Variants in OSTN observed in about 807,000 individuals in gnomAD.
The protein encoded by OSTN is osteocrin.
Under a neutral mutation model 12.0 loss-of-function variants are expected in OSTN, and 9 were observed. The observed-to-expected ratio is 0.75, with a 90% CI of 0.45 to 1.30. The LOEUF is 1.30. OSTN is among the 50% of genes most tolerant of loss of function. The pLI is 0.00. For synonymous variants in OSTN, 59 were observed against 56.9 expected (o/e 1.04, Z -0.16); for missense variants, 148 against 152.3 (o/e 0.97, Z 0.15).
intron 1 of OSTN, among the ~76,000 whole-genome samples, chr3:191,200,609 C>T (rs894814284): frequency 2.6e-5 from 4 of 151,494 alleles, no homozygotes; most frequent in South Asian, 4.2e-4. Context: ...GCCTTAAGCA[C>T]GAATTAAGGC....
At chr3:191,232,601 CATT>C (rs1715088355) in intron 3 of OSTN, among the ~76,000 whole-genome samples, 2 of 134,288 alleles carry the variant, frequency 1.5e-5, no homozygotes, top group Non-Finnish European at 1.6e-5. Context: ...GTGACTAAAT[CATT>C]TTTTTTTTTT....
chr3:191,260,644 C>T (rs772817286), intron 4 of OSTN, among the ~76,000 whole-genome samples: 8 of 151,986 alleles, frequency 5.3e-5, no homozygotes, highest in Non-Finnish European at 1.2e-4. Context: ...AGATTAGTAA[C>T]AAAAAAAGTC....
At chr3:191,210,067 C>T (rs1294863899) in intron 1 of OSTN, among the ~76,000 whole-genome samples, 3 of 152,256 alleles carry the variant, frequency 2.0e-5, no homozygotes, top group African/African-American at 4.8e-5. Context: ...ACAGGAAGCA[C>T]GGCTGGGGAG....
At chr3:191,248,361 C>T (rs1427758549) in intron 3 of OSTN, among the ~76,000 whole-genome samples, 1 of 152,030 alleles carries the variant, frequency 6.6e-6, no homozygotes, top group Non-Finnish European at 1.5e-5. Context: ...ATCAGGTACA[C>T]AGTAAATTAT....
chr3:191,216,406 C>T (rs910335392), intron 2 of OSTN, among the ~76,000 whole-genome samples: 2 of 152,208 alleles, frequency 1.3e-5, no homozygotes, highest in Non-Finnish European at 2.9e-5. Flanking sequence ...CTCCTAGTTA[C>T]TCATGCAAAT....
At chr3:191,250,314 T>C (rs1357268359) in intron 4 of OSTN, among the ~76,000 whole-genome samples, 181 bp downstream of exon 4, 3 of 152,178 alleles carry the variant, frequency 2.0e-5, no homozygotes, top group Non-Finnish European at 4.4e-5. Flanking sequence ...ACTTAAATGA[T>C]ATTTAAAAAG....
intron 3 of OSTN, among the ~76,000 whole-genome samples, chr3:191,229,564 C>G (rs1056147964): frequency 3.9e-5 from 6 of 152,020 alleles, no homozygotes; most frequent in Admixed American, 2.0e-4. Context: ...TATGTCTGAA[C>G]TATTTTATAA....
At chr3:191,241,835 G>A (rs1218028156) in intron 3 of OSTN, among the ~76,000 whole-genome samples, 7 of 151,980 alleles carry the variant, frequency 4.6e-5, no homozygotes, top group Admixed American at 4.6e-4. Context: ...AATAACAGAA[G>A]GATAACCAAA....
At chr3:191,248,970 A>C (rs1354751617) in intron 3 of OSTN, among the ~76,000 whole-genome samples, 3 of 152,176 alleles carry the variant, frequency 2.0e-5, no homozygotes, top group African/African-American at 7.2e-5. Context: ...TTTATCTCTC[A>C]TTGCAAAAGT....
chr3:191,209,784 G>A (rs910773919), intron 1 of OSTN, among the ~76,000 whole-genome samples: 1 of 152,040 alleles, frequency 6.6e-6, no homozygotes, highest in East Asian at 1.9e-4. Context: ...GTTTTTTGTT[G>A]TTGTTTTTTT....
At chr3:191,213,992 G>C (rs16866336) in intron 2 of OSTN, among the ~76,000 whole-genome samples, 58,949 of 151,910 alleles carry the variant, frequency 0.39, 13,205 homozygotes, top group African/African-American at 0.61. Flanking sequence ...GCTAAGATCT[G>C]AGGAATAGTT....
At chr3:191,227,208 T>G (rs1387538423) in intron 3 of OSTN, among the ~76,000 whole-genome samples, 1 of 152,100 alleles carries the variant, frequency 6.6e-6, no homozygotes, top group Non-Finnish European at 1.5e-5. Flanking sequence ...ATGAAAAAAA[T>G]GCAAATTGCC....
intron 1 of OSTN, among the ~76,000 whole-genome samples, chr3:191,200,448 T>C (rs567836618): frequency 5.9e-5 from 9 of 152,308 alleles, no homozygotes; most frequent in African/African-American, 2.2e-4. Flanking sequence ...GCTATAATTT[T>C]AACTTCTTTT....
At chr3:191,203,915 T>C (rs972873236) in intron 1 of OSTN, among the ~76,000 whole-genome samples, 2 of 152,152 alleles carry the variant, frequency 1.3e-5, no homozygotes, top group African/African-American at 4.8e-5. Flanking sequence ...GAGATGGAGT[T>C]TCGCTCTTGT....
At position 191,232,940 on chromosome 3, in the gene OSTN, T is replaced by C. The variant is rs540176390; in HGVS notation, c.317+13979T>C. On this transcript the variant is annotated intron_variant, in intron 3 of 4. Transcript: ENST00000682035. ...ATAAATGCTATCTTTCATTTACAGG[T>C]TAATGGAACTAAAGATGTAACCCTT... 1.3e-4 allele frequency among the ~76,000 whole-genome samples: 20 copies of C among 152,200 alleles called. No homozygotes were observed. In the East Asian group the frequency reaches 3.1e-3, roughly 23 times the overall value.
chr3:191,241,237 G>A (rs796537786), intron 3 of OSTN, among the ~76,000 whole-genome samples: 4 of 133,118 alleles, frequency 3.0e-5, no homozygotes, highest in African/African-American at 1.1e-4. Flanking sequence ...GGAGTGCAGT[G>A]GCGCGATCTC....
chr3:191,241,242 G>C (rs1399682582), intron 3 of OSTN, among the ~76,000 whole-genome samples: 1 of 135,250 alleles, frequency 7.4e-6, no homozygotes, highest in African/African-American at 2.7e-5. Context: ...GCAGTGGCGC[G>C]ATCTCGGCTT....
intron 4 of OSTN, 114 bp downstream of exon 4, chr3:191,250,247 A>C: frequency 1.3e-6 from 1 of 773,318 alleles, no homozygotes; most frequent in East Asian, 2.6e-5. Flanking sequence ...CTAGCTTATC[A>C]GTTCACTTTT....
intron 3 of OSTN, among the ~76,000 whole-genome samples, chr3:191,248,826 A>G (rs1411328012): frequency 1.3e-5 from 2 of 152,198 alleles, no homozygotes; most frequent in African/African-American, 2.4e-5. Flanking sequence ...GTACACACTT[A>G]TAGTCCCAGC....
Sources: allele counts gnomAD v4.1 joint callset (sites outside exome capture counted in the v4.1 genomes callset), GRCh38; gene constraint gnomAD v4.1.1; transcripts MANE v1.5; gene names NCBI Gene and HGNC (gene_info 2026-07-23, HGNC 2026-07-21).